Variants in SLC38A8 observed in about 807,000 individuals in gnomAD.
SLC38A8 encodes solute carrier family 38 member 8.
A neutral mutation model predicts 46.0 loss-of-function variants in SLC38A8; 65 were observed. That is an observed-to-expected ratio of 1.41 (90% confidence interval 1.16 to 1.74). SLC38A8 has a LOEUF of 1.74. Ranked by LOEUF, SLC38A8 falls within the 40% of genes most tolerant of loss-of-function variation. The pLI is 0.00. For missense variants in SLC38A8, 998 were observed against 567.9 expected (o/e 1.76, Z -7.70); for synonymous variants, 447 against 243.7 (o/e 1.83, Z -7.77).
intron 9 of SLC38A8, among the ~76,000 whole-genome samples, chr16:84,013,836 T>C (rs1398586812): frequency 6.6e-6 from 1 of 152,042 alleles, no homozygotes; most frequent in African/African-American, 2.4e-5. Context: ...TGGGCAGTCC[T>C]TCCCACCACA....
chr16:84,010,935 A>T (rs1237349944), intron 10 of SLC38A8, among the ~76,000 whole-genome samples: 1 of 152,136 alleles, frequency 6.6e-6, no homozygotes, highest in East Asian at 1.9e-4. Context: ...ACTGGCAGCC[A>T]CCGAGGCCAC....
intron 6 of SLC38A8, among the ~76,000 whole-genome samples, chr16:84,025,667 C>G (rs896254977): frequency 2.0e-5 from 3 of 152,222 alleles, no homozygotes; most frequent in Non-Finnish European, 2.9e-5. Flanking sequence ...CAGCCTCGCT[C>G]TGTCACTCAT....
intron 6 of SLC38A8, among the ~76,000 whole-genome samples, chr16:84,025,334 G>C (rs144778844): frequency 1.2e-3 from 183 of 152,214 alleles, no homozygotes; most frequent in African/African-American, 4.2e-3. Flanking sequence ...TCTTCCCTCC[G>C]CGCCTCAGGG....
chr16:84,016,477 GAA>G (rs1440414827), intron 9 of SLC38A8, 40 bp downstream of exon 9: 1 of 1,601,704 alleles, frequency 6.2e-7, no homozygotes, highest in East Asian at 2.2e-5. Context: ...GATGAGCAGG[GAA>G]GAACAAGTGG....
rs949280726 is a variant in SLC38A8 at position 84,031,620 on chromosome 16, G to T, written c.632+247C>A. The stretch of plus-strand genomic sequence containing the variant: ...TGCAATAACCTATGACCCCTAGGCC[G>T]CCGCAGCCTTTGGCGGTTCTGCGTC... On this transcript the variant is annotated intron_variant, in intron 5 of 10. Transcript: ENST00000299709. 2.6e-5 allele frequency among the ~76,000 whole-genome samples: 4 copies of T among 152,216 alleles called. No homozygotes were observed. In the South Asian group the frequency reaches 8.3e-4, roughly 31 times the overall value.
chr16:84,042,237 T>A, intron 1 of SLC38A8, 78 bp from the exon 2 acceptor site: 1 of 1,470,832 alleles, frequency 6.8e-7, no homozygotes, highest in Non-Finnish European at 9.1e-7. Flanking sequence ...CTTATTTGTC[T>A]CCCCAACTCA....
chr16:84,036,216 A>G (rs1333682260), intron 3 of SLC38A8, among the ~76,000 whole-genome samples: 1 of 152,254 alleles, frequency 6.6e-6, no homozygotes, highest in Non-Finnish European at 1.5e-5. Flanking sequence ...AGGAGCAAAT[A>G]TTTTAAATTT....
At chr16:84,014,156 G>T (rs190161284) in intron 9 of SLC38A8, among the ~76,000 whole-genome samples, 2 of 151,732 alleles carry the variant, frequency 1.3e-5, no homozygotes, top group South Asian at 2.1e-4. Context: ...GGAGCTATGT[G>T]GCCACACCCC....
intron 9 of SLC38A8, among the ~76,000 whole-genome samples, chr16:84,015,659 A>G (rs1274183411): frequency 6.6e-6 from 1 of 152,064 alleles, no homozygotes; most frequent in Non-Finnish European, 1.5e-5. Flanking sequence ...CAGGAGCTGT[A>G]TTAGTCTGCT....
intron 8 of SLC38A8, 82 bp from the exon 9 acceptor site, chr16:84,016,809 G>C (rs1388013493): frequency 2.8e-6 from 4 of 1,432,248 alleles, no homozygotes; most frequent in African/African-American, 1.4e-5. Context: ...AGTCCTCCAG[G>C]AGTCCCCTCA....
At position 84,038,101 on chromosome 16, in the gene SLC38A8, G is replaced by A. The variant is rs185965681; in HGVS notation, c.190-1201C>T. ...CAAGGCGGGAGGATCACCTGAGGTC[G>A]GGAGTTTGAGACCAGCCTGGCCAAC... On this transcript the variant is annotated intron_variant, in intron 2 of 10. Transcript: ENST00000299709. Among the ~76,000 whole-genome samples the A allele has an allele frequency of 1.7e-3, 255 of 151,266 alleles. 1 individual carries two copies. The highest frequency in any genetic ancestry group is 5.9e-3 in the African/African-American group (245 of 41,202).
At chr16:84,036,626 T>A (rs2085302007) in intron 3 of SLC38A8, 76 bp downstream of exon 3, 1 of 1,543,360 alleles carries the variant, frequency 6.5e-7, no homozygotes, top group East Asian at 2.3e-5. Context: ...CCCCACGTCC[T>A]GCTCAACTGG....
intron 7 of SLC38A8, among the ~76,000 whole-genome samples, chr16:84,020,262 G>C (rs1173507923): frequency 2.0e-5 from 3 of 151,426 alleles, no homozygotes; most frequent in African/African-American, 7.3e-5. Context: ...CTCCTCCTCA[G>C]CCTCCTGAGT....
At position 84,042,169 on chromosome 16, in the gene SLC38A8, G is replaced by A; in HGVS notation, c.-2-10C>T. ...GTCTGTCCCTCCATGGCTAGAGGCGGCAGAGGGGTGGAGAGAAAGCACAGT... is the reference window on the plus strand; with the variant it reads ...GTCTGTCCCTCCATGGCTAGAGGCGACAGAGGGGTGGAGAGAAAGCACAGT... On this transcript the variant is annotated splice_polypyrimidine_tract_variant and intron_variant, in intron 1 of 10. Transcript: ENST00000299709. The A allele has an allele frequency of 3.1e-6, 5 of 1,601,732 alleles. No homozygotes were observed. Among genetic ancestry groups the A allele is most frequent in the Non-Finnish European group, 2.6e-6 (3 of 1,175,094 alleles).
At chr16:84,011,458 C>G (rs1217072170) in intron 10 of SLC38A8, among the ~76,000 whole-genome samples, 3 of 152,134 alleles carry the variant, frequency 2.0e-5, no homozygotes, top group Non-Finnish European at 1.5e-5. Context: ...TGCTCCTTTG[C>G]AAAAACCAAG....
intron 7 of SLC38A8, among the ~76,000 whole-genome samples, chr16:84,018,403 T>A (rs1179600949): frequency 6.6e-6 from 1 of 151,956 alleles, no homozygotes; most frequent in Non-Finnish European, 1.5e-5. Flanking sequence ...GAATTTTTAG[T>A]AAAGACAGGG....
chr16:84,017,500 C>T (rs1355695131), intron 7 of SLC38A8, among the ~76,000 whole-genome samples: 2 of 152,242 alleles, frequency 1.3e-5, no homozygotes, highest in South Asian at 4.1e-4. Flanking sequence ...AAATCCGCCA[C>T]TTATCCTCCT....
At chr16:84,030,047 G>A (rs1367107718) in intron 5 of SLC38A8, among the ~76,000 whole-genome samples, 3 of 152,194 alleles carry the variant, frequency 2.0e-5, no homozygotes, top group Admixed American at 2.0e-4. Context: ...CTTTGCAGGT[G>A]TAATTACTGA....
chr16:84,038,890 G>A (rs2085333930), intron 2 of SLC38A8, among the ~76,000 whole-genome samples: 1 of 152,234 alleles, frequency 6.6e-6, no homozygotes, highest in East Asian at 1.9e-4. Context: ...ATCACAATTA[G>A]CTGAGCATGG....
Sources: allele counts gnomAD v4.1 joint callset (sites outside exome capture counted in the v4.1 genomes callset), GRCh38; gene constraint gnomAD v4.1.1; transcripts MANE v1.5; gene names NCBI Gene and HGNC (gene_info 2026-07-23, HGNC 2026-07-21).